OSBPL1A: variants seen among roughly 807,000 people sequenced by gnomAD.
OSBPL1A encodes oxysterol binding protein like 1A, also known as oxysterol-binding protein-related protein 1.
In OSBPL1A, 80 loss-of-function variants were observed where a neutral mutation model predicts 137.1. That is an observed-to-expected ratio of 0.58 (90% CI 0.49 to 0.70). The LOEUF (loss-of-function observed/expected upper bound fraction) is 0.70. Ranked by LOEUF, OSBPL1A falls within the 30% of genes least tolerant of loss-of-function variation. The pLI is 0.00. For synonymous variants in OSBPL1A, 365 were observed against 389.7 expected, an observed-to-expected ratio of 0.94 and a Z score of 0.75; for missense variants, 970 against 1,129.4, an observed-to-expected ratio of 0.86 and a Z score of 2.02.
chr18:24,289,577 A>G (rs1016914927), intron 14 of OSBPL1A, among the ~76,000 whole-genome samples: 3 of 151,828 alleles, frequency 2.0e-5, no homozygotes, highest in Non-Finnish European at 4.4e-5. Context: ...ACGCCACAAC[A>G]TTCGGCTAAT....
chr18:24,311,007 A>G (rs2090611545), intron 13 of OSBPL1A, among the ~76,000 whole-genome samples: 1 of 152,232 alleles, frequency 6.6e-6, no homozygotes, highest in Admixed American at 6.5e-5. Flanking sequence ...TCACATACAC[A>G]TTAGGCTTTA....
intron 3 of OSBPL1A, chr18:24,367,639 T>C (rs1380011147): frequency 7.9e-6 from 1 of 126,104 alleles, no homozygotes; most frequent in African/African-American, 3.0e-5. Flanking sequence ...TGAGGCCTTG[T>C]CTTGATTAAA....
chr18:24,379,816 A>T (rs1222204622), intron 1 of OSBPL1A, among the ~76,000 whole-genome samples: 1 of 152,102 alleles, frequency 6.6e-6, no homozygotes, highest in Non-Finnish European at 1.5e-5. Flanking sequence ...GGTTGCAGTG[A>T]GCTGAGATCA....
chr18:24,218,253 C>T (rs1442349029), intron 17 of OSBPL1A: 1 of 152,070 alleles, frequency 6.6e-6, no homozygotes, highest in Non-Finnish European at 1.5e-5. Flanking sequence ...AAAAAAGACT[C>T]CCACTGTTTT....
intron 17 of OSBPL1A, among the ~76,000 whole-genome samples, 168 bp from the exon 18 acceptor site, chr18:24,196,368 C>G (rs758972540): frequency 6.6e-6 from 1 of 152,194 alleles, no homozygotes; most frequent in East Asian, 1.9e-4. Flanking sequence ...ACCTGTTCAC[C>G]TATACCTACT....
intron 11 of OSBPL1A, 93 bp from the exon 12 acceptor site, chr18:24,314,440 C>T: frequency 1.3e-6 from 1 of 795,180 alleles, no homozygotes; most frequent in South Asian, 1.9e-5. Context: ...AGTGACATGA[C>T]TTAACGATAC....
chr18:24,360,732 G>C (rs114384629), intron 4 of OSBPL1A, among the ~76,000 whole-genome samples: 14 of 152,236 alleles, frequency 9.2e-5, no homozygotes, highest in African/African-American at 2.9e-4. Context: ...CAGGTACTCT[G>C]TTTTCTTCTC....
chr18:24,388,533 C>T (rs1449438693), intron 1 of OSBPL1A, among the ~76,000 whole-genome samples: 1 of 151,988 alleles, frequency 6.6e-6, no homozygotes, highest in African/African-American at 2.4e-5. Flanking sequence ...CAGTGGCTCA[C>T]ACCTGTCTGT....
At position 24,170,467 on chromosome 18, in the gene OSBPL1A, C is replaced by G. The variant is rs761336916; in HGVS notation, c.2292-14G>C. The G allele has an allele frequency of 6.2e-7, 1 of 1,613,784 alleles. No homozygotes were observed. Among genetic ancestry groups the G allele is most frequent in the Non-Finnish European group, 8.5e-7 (1 of 1,179,952 alleles). ...AGCTTCTTTTTGCTGTCAAGAAAAACTGATGTTTAGTTAACAAACCAGTGT... is the reference window on the plus strand; with the variant it reads ...AGCTTCTTTTTGCTGTCAAGAAAAAGTGATGTTTAGTTAACAAACCAGTGT... On this transcript the variant is annotated splice_polypyrimidine_tract_variant and intron_variant, in intron 23 of 27. Transcript: ENST00000319481.
At chr18:24,347,686 A>G (rs1188691167) in intron 4 of OSBPL1A, 1 of 151,876 alleles carries the variant, frequency 6.6e-6, no homozygotes, top group East Asian at 1.9e-4. Flanking sequence ...TACTAAAAAT[A>G]CAAAAATTAG....
intron 16 of OSBPL1A, among the ~76,000 whole-genome samples, chr18:24,231,449 C>T (rs1236589044): frequency 3.9e-5 from 6 of 152,102 alleles, no homozygotes; most frequent in Admixed American, 6.5e-5. Context: ...CCCACCACCA[C>T]GCCCAGCATT....
chr18:24,197,649 A>G (rs1276193377), intron 17 of OSBPL1A, among the ~76,000 whole-genome samples: 1 of 152,216 alleles, frequency 6.6e-6, no homozygotes, highest in Non-Finnish European at 1.5e-5. Context: ...CCCACTATCC[A>G]AGACTATCAA....
intron 21 of OSBPL1A, among the ~76,000 whole-genome samples, chr18:24,175,539 A>G (rs1319005761): frequency 2.0e-5 from 3 of 152,190 alleles, no homozygotes; most frequent in African/African-American, 7.2e-5. Flanking sequence ...TTGTGGCTAC[A>G]AGTCCTTTGT....
chr18:24,218,993 T>C (rs1312693435), intron 17 of OSBPL1A, among the ~76,000 whole-genome samples: 1 of 152,044 alleles, frequency 6.6e-6, no homozygotes, highest in Non-Finnish European at 1.5e-5. Flanking sequence ...ATAGCTTGGA[T>C]TTGCTTTAAA....
intron 21 of OSBPL1A, among the ~76,000 whole-genome samples, chr18:24,173,500 C>T (rs745620656): frequency 1.3e-5 from 2 of 152,154 alleles, no homozygotes; most frequent in African/African-American, 2.4e-5. Flanking sequence ...GCAACCTTCA[C>T]CTCCCGGGTT....
At chr18:24,220,147 C>T (rs999939551) in intron 17 of OSBPL1A, among the ~76,000 whole-genome samples, 3 of 152,372 alleles carry the variant, frequency 2.0e-5, no homozygotes, top group Admixed American at 1.3e-4. Flanking sequence ...TCTCCACTGG[C>T]CTCTGATGAC....
At chr18:24,191,032 T>C (rs1357369418) in intron 18 of OSBPL1A, among the ~76,000 whole-genome samples, 1 of 152,200 alleles carries the variant, frequency 6.6e-6, no homozygotes, top group Non-Finnish European at 1.5e-5. Context: ...TCAGTGAAAA[T>C]TATTCCAATT....
intron 17 of OSBPL1A, among the ~76,000 whole-genome samples, chr18:24,200,405 A>T (rs2087183603): frequency 6.6e-6 from 1 of 152,086 alleles, no homozygotes; most frequent in Non-Finnish European, 1.5e-5. Context: ...CTACTAAAAA[A>T]TACAAAAATT....
chr18:24,244,312 A>C (rs1194482033), intron 15 of OSBPL1A, among the ~76,000 whole-genome samples: 1 of 152,240 alleles, frequency 6.6e-6, no homozygotes, highest in African/African-American at 2.4e-5. Flanking sequence ...AGTTATTACT[A>C]AAAGAATAAA....
Sources: gnomAD v4.1 joint callset for allele counts (sites outside exome capture counted in the v4.1 genomes callset) on GRCh38, gnomAD v4.1.1 for gene constraint, MANE v1.5 for transcripts, NCBI Gene and HGNC (gene_info 2026-07-23, HGNC 2026-07-21) for gene names.